SH2D5: variants seen among roughly 807,000 people sequenced by gnomAD.
SH2D5 encodes SH2 domain-containing protein 5.
Under a neutral mutation model 48.2 loss-of-function variants are expected in SH2D5, and 45 were observed. The observed-to-expected ratio is 0.93, with a 90% CI of 0.73 to 1.20. The LOEUF is 1.20. Among genes scored for constraint, SH2D5 ranks in the 50% most tolerant of loss-of-function variants. SH2D5 has a pLI of 0.00. For missense variants in SH2D5, 538 were observed against 584.1 expected (o/e 0.92, Z 0.81); for synonymous variants, 230 against 249.8 (o/e 0.92, Z 0.75).
At chr1:20,730,181 G>A (rs1386686003) in intron 1 of SH2D5, among the ~76,000 whole-genome samples, 1 of 152,116 alleles carries the variant, frequency 6.6e-6, no homozygotes, top group Non-Finnish European at 1.5e-5. Context: ...GGAGAGGGAA[G>A]GTACGGACGA....
intron 8 of SH2D5, 88 bp downstream of exon 8, chr1:20,723,538 G>A: frequency 9.7e-7 from 1 of 1,027,282 alleles, no homozygotes; most frequent in Admixed American, 2.2e-5. Context: ...CCCGTGCACG[G>A]GAGTGTGTGC....
At position 20,727,430 on chromosome 1, in the gene SH2D5, TCTAA is replaced by T. The variant is rs1170136628; in HGVS notation, c.168+89_168+92del. ...AAACAGGGCCTGTGTCCTGCCCCTC[TCTAA>T]CTGTGGGGAGAGTGGATCTGGTCTA... On this transcript the variant is annotated intron_variant, in intron 3 of 9. Coordinates refer to ENST00000444387, the MANE Select transcript of SH2D5 (RefSeq NM_001103161.2). 4.8e-6 allele frequency: 6 copies of T among 1,244,842 alleles called. No homozygotes were observed. The Admixed American group carries it at 1.0e-4, about 21-fold the overall frequency. 77.1% of individuals were successfully genotyped at this position (1,244,842 alleles called of 1,614,324 possible).
intron 7 of SH2D5, 40 bp from the exon 8 acceptor site, chr1:20,723,774 G>A (rs767251030): frequency 4.0e-5 from 61 of 1,530,654 alleles, no homozygotes; most frequent in Non-Finnish European, 5.2e-5. Context: ...GAGTGGCCGA[G>A]CCCTCCCATT....
intron 5 of SH2D5, 133 bp downstream of exon 5, chr1:20,725,787 C>T: frequency 3.7e-6 from 4 of 1,091,492 alleles, no homozygotes; most frequent in Non-Finnish European, 1.3e-6. Context: ...ACAGAAAGAG[C>T]CAATGTGGTG....
chr1:20,727,992 G>T lies in SH2D5; in HGVS notation c.53C>A (p.Pro18His), dbSNP rs151081875. The T allele has an allele frequency of 4.9e-4, 774 of 1,571,482 alleles. 3 individuals are homozygous for T. In the Admixed American group the frequency reaches 7.2e-3, roughly 15 times the overall value. ...GRRASDCGLA[P>H]HRPRCITKFA... ...CTTGGTGATGCACCTGGGCCGGTGA[G>T]GGGCCAGCCCGCAGTCAGAGGCCCT... Residue 18 changes from proline to histidine, a missense_variant, in exon 2 of 10, where the codon CCT (proline) becomes CAT (histidine). Coordinates refer to ENST00000444387, the MANE Select transcript of SH2D5 (RefSeq NM_001103161.2).
At position 20,727,079 on chromosome 1, in the gene SH2D5, G is replaced by A. The variant is rs527792442; in HGVS notation, c.169-4C>T. 1 of 1,610,056 alleles carries A rather than the reference G, an allele frequency of 6.2e-7. No individual in the cohort carries two copies. The highest frequency in any genetic ancestry group is 8.5e-7 in the Non-Finnish European group (1 of 1,178,098). ...CGGCCCGGCGTCGGGGACAGTCCTG[G>A]GTGGAAAAGAGTAGTGGGGACAGGC... On this transcript the variant is annotated splice_polypyrimidine_tract_variant and splice_region_variant and intron_variant, in intron 3 of 9. Transcript: ENST00000444387.
intron 5 of SH2D5, among the ~76,000 whole-genome samples, chr1:20,725,467 G>T (rs895685195): frequency 6.6e-6 from 1 of 152,160 alleles, no homozygotes; most frequent in Non-Finnish European, 1.5e-5. Context: ...ACCCAGACTC[G>T]GCTCTCAAAG....
chr1:20,719,852 CAG>C lies in SH2D5; in HGVS notation c.*1938_*1939del, dbSNP rs972228836. On this transcript the variant is annotated 3_prime_UTR_variant, in exon 10 of 10. Transcript: ENST00000444387. ...CTGATTAAGACATGGAGTCTGCAAA[CAG>C]GGGCCAAAAACCTTGCCCTCTCTGT... 5.9e-5 allele frequency: 9 copies of C among 152,188 alleles called. No homozygotes were observed. Among genetic ancestry groups the C allele is most frequent in the African/African-American group, 1.4e-4 (6 of 41,428 alleles). The allele number at this position is 152,188 out of a possible 1,614,324, so 9.4% of individuals were successfully genotyped here. A position where few individuals can be genotyped will look rare whatever the true frequency, so the allele number is the denominator to read the frequency against.
chr1:20,721,620 G>T lies in SH2D5; in HGVS notation c.*172C>A. ...ACATGTTCTCCAAGAAGCCATTGGC[G>T]ATACCCACCCTCAGGGCTCCCCTCC... On this transcript the variant is annotated 3_prime_UTR_variant, in exon 10 of 10. Transcript: ENST00000444387. 1 of 580,250 alleles carries T rather than the reference G, an allele frequency of 1.7e-6. No individual in the cohort carries two copies. Among genetic ancestry groups the T allele is most frequent in the Non-Finnish European group, 2.9e-6 (1 of 346,552 alleles). The allele number at this position is 580,250 out of a possible 1,614,324, so 35.9% of individuals were successfully genotyped here.
At chr1:20,726,309 G>A (rs2054798529) in intron 4 of SH2D5, among the ~76,000 whole-genome samples, 1 of 152,218 alleles carries the variant, frequency 6.6e-6, no homozygotes, top group African/African-American at 2.4e-5. Context: ...CTGGAGGCAG[G>A]TGACTGGGGT....
In SH2D5 at chr1:20,727,560, C is replaced by A; in HGVS notation, c.131G>T (p.Ser44Ile). The change falls in exon 3 of 10, where the codon AGC (serine) becomes ATC (isoleucine). Residue 44 changes from serine (S) to isoleucine (I), a missense_variant. Physicochemically the swap from Ser to Ile is moderately radical, Grantham distance 142. Coordinates refer to ENST00000444387, the MANE Select transcript of SH2D5 (RefSeq NM_001103161.2). Reference protein sequence around the residue: ...FPVDDLDTQESVWLVQQQLWA... With the variant: ...FPVDDLDTQEIVWLVQQQLWA... ...CAGCTGCTGCTGCACCAGCCACACG[C>A]TCTCCTGGGTGTCCAGGTCATCCAC... 6 of 1,610,288 alleles carry A rather than the reference C, an allele frequency of 3.7e-6. No individual in the cohort carries two copies. Among genetic ancestry groups the A allele is most frequent in the Non-Finnish European group, 5.1e-6 (6 of 1,178,858 alleles).
In SH2D5 at chr1:20,728,195, A is replaced by G; in HGVS notation, c.-42-109T>C. The stretch of plus-strand genomic sequence containing the variant: ...CCTGAGCAGCTGCTATGTGTGCAGC[A>G]CGGCTGCGCAATGTCCCGGGCCCTG... On this transcript the variant is annotated intron_variant, in intron 1 of 9. Coordinates refer to ENST00000444387, the MANE Select transcript of SH2D5 (RefSeq NM_001103161.2). This position sits in a 1 kb window ranked among gnomAD's most constrained non-coding sequence, Gnocchi z 4.3. 1 of 617,650 alleles carries G rather than the reference A, an allele frequency of 1.6e-6. No individual in the cohort carries two copies. The highest frequency in any genetic ancestry group is 2.8e-6 in the Non-Finnish European group (1 of 351,706). 38.3% of individuals were successfully genotyped at this position (617,650 alleles called of 1,614,324 possible).
Position 20,721,594 on chromosome 1 carries a change from C to T in SH2D5, c.*198G>A. On this transcript the variant is annotated 3_prime_UTR_variant, in exon 10 of 10. Transcript: ENST00000444387. ...CTGCCCTCCTGGAATCTCAGCAGGC[C>T]ACATGTTCTCCAAGAAGCCATTGGC... The T allele has an allele frequency of 1.9e-6, 1 of 523,098 alleles. No homozygotes were observed. Among genetic ancestry groups the T allele is most frequent in the Non-Finnish European group, 3.3e-6 (1 of 301,618 alleles). The allele number at this position is 523,098 out of a possible 1,614,324, so 32.4% of individuals were successfully genotyped here. A position where few individuals can be genotyped will look rare whatever the true frequency, so the allele number is the denominator to read the frequency against.
chr1:20,723,776 C>T (rs371245252), intron 7 of SH2D5, 42 bp from the exon 8 acceptor site: 27 of 1,511,750 alleles, frequency 1.8e-5, no homozygotes, highest in African/African-American at 8.2e-5. Flanking sequence ...GTGGCCGAGC[C>T]CTCCCATTCC....
chr1:20,722,506 G>C (rs12755295), intron 9 of SH2D5, among the ~76,000 whole-genome samples: 2 of 152,190 alleles, frequency 1.3e-5, no homozygotes, highest in South Asian at 2.1e-4. Flanking sequence ...AGAGCAGAGC[G>C]GAGTCAACAG....
intron 7 of SH2D5, 88 bp downstream of exon 7, chr1:20,723,995 G>C (rs946889436): frequency 4.0e-6 from 6 of 1,507,464 alleles, no homozygotes; most frequent in South Asian, 2.5e-5. Flanking sequence ...TTGCAGGAAC[G>C]GGCACTCACG....
At chr1:20,726,948 G>A in intron 4 of SH2D5, 53 bp downstream of exon 4, 1 of 1,466,272 alleles carries the variant, frequency 6.8e-7, no homozygotes, top group Non-Finnish European at 9.4e-7. Context: ...CATCCTGAGG[G>A]TGGAGACACC....
Position 20,728,563 on chromosome 1 carries a change from C to T in SH2D5, c.-42-477G>A, listed in dbSNP as rs1318851589. Among the ~76,000 whole-genome samples, 2 of 152,050 alleles carry T rather than the reference C, an allele frequency of 1.3e-5. No homozygotes were observed. The highest frequency in any genetic ancestry group is 2.9e-5 in the Non-Finnish European group (2 of 68,000). On this transcript the variant is annotated intron_variant, in intron 1 of 9. Coordinates refer to ENST00000444387, the MANE Select transcript of SH2D5 (RefSeq NM_001103161.2). The surrounding 1 kb of genome is among the most constrained non-coding windows in gnomAD (Gnocchi z 4.3). ...CCTGTAACCAGATTGCACAAAGTGC[C>T]AGAGGGAAGGGAGGGCCACCTGAGA...
Position 20,723,640 on chromosome 1 carries a change from G to A in SH2D5, c.894C>T (p.Phe298=), listed in dbSNP as rs374983999. The change falls in exon 8 of 10, where the codon TTC becomes TTT. Residue 298 remains phenylalanine, a synonymous_variant. Coordinates refer to ENST00000444387, the MANE Select transcript of SH2D5 (RefSeq NM_001103161.2). Reference sequence around the variant, plus strand: ...GCCCTTCCTACCTGGAGATGCCAGCGAAGGCCCAGATGTTCTCCGTCAGGC... The same window carrying A: ...GCCCTTCCTACCTGGAGATGCCAGCAAAGGCCCAGATGTTCTCCGTCAGGC... ...EGSLTENIWA[F]AGISRPCALA... 128 of 1,612,604 alleles carry A rather than the reference G, an allele frequency of 7.9e-5. No homozygotes were observed. The highest frequency in any genetic ancestry group is 1.2e-4 in the South Asian group (11 of 91,000).
Sources: allele counts gnomAD v4.1 joint callset (sites outside exome capture counted in the v4.1 genomes callset), GRCh38; gene constraint gnomAD v4.1.1; non-coding constraint Gnocchi (gnomAD v3.1); transcripts MANE v1.5; gene names NCBI Gene and HGNC (gene_info 2026-07-23, HGNC 2026-07-21).